Variants in CPNE3 observed in about 807,000 individuals in gnomAD.
CPNE3 encodes the protein copine-3.
CPNE3 carries 68 observed loss-of-function variants against 63.9 expected under a neutral mutation model. That is an observed-to-expected ratio of 1.06 (90% CI 0.87 to 1.30). CPNE3 has a LOEUF of 1.30. Among genes scored for constraint, CPNE3 ranks in the 50% most tolerant of loss-of-function variants. The pLI, the probability that CPNE3 is intolerant of heterozygous loss-of-function variation, is 0.00. For missense variants in CPNE3, 665 were observed against 578.1 expected (o/e 1.15, Z -1.54); for synonymous variants, 219 against 197.5 (o/e 1.11, Z -0.91).
chr8:86,547,574 C>A (rs1168229314), intron 10 of CPNE3, 137 bp from the exon 11 acceptor site: 2 of 614,164 alleles, frequency 3.3e-6, no homozygotes, highest in African/African-American at 1.9e-5. Context: ...GTATCTTAAA[C>A]CTGAATGCAG....
At chr8:86,527,780 A>G (rs1288840088) in intron 2 of CPNE3, among the ~76,000 whole-genome samples, 4 of 151,984 alleles carry the variant, frequency 2.6e-5, no homozygotes, top group Admixed American at 2.6e-4. Context: ...TAGTCAAAAA[A>G]TCTTGAAAAC....
Position 86,531,190 on chromosome 8 carries a change from G to C in CPNE3, c.348G>C (p.Val116=), listed in dbSNP as rs760670043. ...VSSKKLTRPL[V]MKTGRPAGKG... ...GCAAGAAGCTAACTCGACCACTGGT[G>C]ATGAAAACTGGCAGACCTGCAGGAA... Residue 116 remains valine (V), a synonymous_variant, in exon 5 of 17, where the codon GTG becomes GTC. Coordinates refer to ENST00000517490, the MANE Select transcript of CPNE3 (RefSeq NM_003909.5). 2.3e-6 allele frequency: 3 copies of C among 1,328,900 alleles called. No individual in the cohort carries two copies. The South Asian group carries it at 3.5e-5, about 16-fold the overall frequency. 82.3% of individuals were successfully genotyped at this position (1,328,900 alleles called of 1,614,324 possible).
At chr8:86,556,610 ATGTAAC>A (rs1256136164) in intron 16 of CPNE3, among the ~76,000 whole-genome samples, 3 of 152,218 alleles carry the variant, frequency 2.0e-5, no homozygotes, top group Non-Finnish European at 4.4e-5. Context: ...AAAAACTCTT[ATGTAAC>A]TGTATGCCAA....
In CPNE3 at chr8:86,547,919, A is replaced by C. The variant is rs1455503408; in HGVS notation, c.879+149A>C. 6.7e-6 allele frequency: 4 copies of C among 595,206 alleles called. No homozygotes were observed. In the African/African-American group the frequency reaches 7.5e-5, roughly 11 times the overall value. 36.9% of individuals were successfully genotyped at this position (595,206 alleles called of 1,614,324 possible). On this transcript the variant is annotated intron_variant, in intron 11 of 16. Coordinates refer to ENST00000517490, the MANE Select transcript of CPNE3 (RefSeq NM_003909.5). Reference sequence around the variant, plus strand: ...GTCCTCAGGCAGGTTGTCTGGGCTCATCATGAAGCTCTCAGTTTTGTTGAT... The same window carrying C: ...GTCCTCAGGCAGGTTGTCTGGGCTCCTCATGAAGCTCTCAGTTTTGTTGAT...
At chr8:86,548,594 C>G (rs1268741619) in intron 12 of CPNE3, among the ~76,000 whole-genome samples, 160 bp downstream of exon 12, 1 of 152,184 alleles carries the variant, frequency 6.6e-6, no homozygotes, top group East Asian at 1.9e-4. Context: ...TTGTGGCAAT[C>G]TTGCTGTTTA....
At chr8:86,550,178 T>C (rs760289619) in intron 12 of CPNE3, among the ~76,000 whole-genome samples, 6 of 152,170 alleles carry the variant, frequency 3.9e-5, no homozygotes, top group Non-Finnish European at 8.8e-5. Context: ...TTCATATTCA[T>C]TAATATTAAA....
Position 86,559,518 on chromosome 8 carries a change from G to GC in CPNE3, c.*1108_*1109insC, listed in dbSNP as rs1554603514. The GC allele has an allele frequency of 1.3e-5, 2 of 152,012 alleles. No individual in the cohort carries two copies. The highest frequency in any genetic ancestry group is 2.9e-5 in the Non-Finnish European group (2 of 67,992). 9.4% of individuals were successfully genotyped at this position (152,012 alleles called of 1,614,324 possible). ...ATTGCATTTTACAATTTAATAATGT[G>GC]ATATTTCCTATGTCTACAGCATACC... On this transcript the variant is annotated 3_prime_UTR_variant, in exon 17 of 17. Coordinates refer to ENST00000517490, the MANE Select transcript of CPNE3 (RefSeq NM_003909.5).
intron 2 of CPNE3, among the ~76,000 whole-genome samples, chr8:86,525,956 A>G (rs1435023908): frequency 6.6e-6 from 1 of 152,220 alleles, no homozygotes; most frequent in African/African-American, 2.4e-5. Context: ...AAAAAACAGT[A>G]TGCCTGGCAC....
At chr8:86,523,214 A>G (rs745640205) in intron 2 of CPNE3, among the ~76,000 whole-genome samples, 2 of 152,184 alleles carry the variant, frequency 1.3e-5, no homozygotes, top group Non-Finnish European at 2.9e-5. Flanking sequence ...AGCCTTATTT[A>G]CATTGAAGGA....
intron 3 of CPNE3, 107 bp from the exon 4 acceptor site, chr8:86,528,838 C>A: frequency 7.6e-7 from 1 of 1,307,564 alleles, no homozygotes; most frequent in Non-Finnish European, 1.0e-6. Flanking sequence ...CATATAGAAA[C>A]TTCCTTTAGT....
chr8:86,516,983 T>G (rs908888777), intron 2 of CPNE3, among the ~76,000 whole-genome samples: 1 of 152,202 alleles, frequency 6.6e-6, no homozygotes, highest in Non-Finnish European at 1.5e-5. Context: ...AGACTCAATG[T>G]CACTTCCATT....
intron 12 of CPNE3, among the ~76,000 whole-genome samples, chr8:86,550,476 T>A (rs2131491609): frequency 6.6e-6 from 1 of 152,338 alleles, no homozygotes; most frequent in Non-Finnish European, 1.5e-5. Flanking sequence ...ATGTTCATTA[T>A]GGTGTTTTAT....
chr8:86,533,728 T>C (rs1820736463), intron 6 of CPNE3, among the ~76,000 whole-genome samples: 1 of 152,106 alleles, frequency 6.6e-6, no homozygotes, highest in African/African-American at 2.4e-5. Flanking sequence ...CCTTATCTAC[T>C]TTCTCTCCTC....
chr8:86,552,649 G>C (rs946669431), intron 14 of CPNE3, among the ~76,000 whole-genome samples: 2 of 151,030 alleles, frequency 1.3e-5, no homozygotes, highest in African/African-American at 4.9e-5. Flanking sequence ...AAAGCTCAGA[G>C]CCTTATTTTA....
intron 7 of CPNE3, 56 bp downstream of exon 7, chr8:86,537,702 C>A (rs371104283): frequency 2.0e-6 from 2 of 1,019,198 alleles, no homozygotes; most frequent in Admixed American, 3.4e-5. Context: ...TTATTGTAAT[C>A]TGAATTTTAA....
At chr8:86,528,852 C>T (rs891331487) in intron 3 of CPNE3, 93 bp from the exon 4 acceptor site, 5 of 1,317,560 alleles carry the variant, frequency 3.8e-6, no homozygotes, top group Non-Finnish European at 1.0e-6. Context: ...CTTTAGTTGT[C>T]ATGCCTATGT....
At chr8:86,532,847 A>G (rs1820711613) in intron 6 of CPNE3, among the ~76,000 whole-genome samples, 1 of 152,318 alleles carries the variant, frequency 6.6e-6, no homozygotes, top group Non-Finnish European at 1.5e-5. Context: ...AAGGCATGAA[A>G]GAATACAGTT....
intron 8 of CPNE3, among the ~76,000 whole-genome samples, chr8:86,542,356 A>AT (rs879486877): frequency 6.6e-6 from 1 of 152,128 alleles, no homozygotes; most frequent in Non-Finnish European, 1.5e-5. Flanking sequence ...AGCATGTATT[A>AT]TTTTCATTAA....
chr8:86,540,114 G>A, intron 7 of CPNE3, 131 bp from the exon 8 acceptor site: 1 of 630,660 alleles, frequency 1.6e-6, no homozygotes, highest in Non-Finnish European at 2.9e-6. Flanking sequence ...GTTTTTTTGT[G>A]GAAATAGTTG....
Sources: gnomAD v4.1 joint callset for allele counts (sites outside exome capture counted in the v4.1 genomes callset) on GRCh38, gnomAD v4.1.1 for gene constraint, MANE v1.5 for transcripts, NCBI Gene and HGNC (gene_info 2026-07-23, HGNC 2026-07-21) for gene names.